Variants in COX15 observed in about 807,000 individuals in gnomAD.
COX15 encodes the protein cytochrome c oxidase assembly factor COX15.
A neutral mutation model predicts 51.9 loss-of-function variants in COX15; 51 were observed. That is an observed-to-expected ratio of 0.98 (90% CI 0.78 to 1.24). COX15 has a LOEUF of 1.24. Among genes scored for constraint, COX15 ranks in the 50% most tolerant of loss-of-function variants. The pLI is 0.00. For missense variants in COX15, 420 were observed against 501.1 expected (o/e 0.84, Z 1.55); for synonymous variants, 188 against 190.5 (o/e 0.99, Z 0.11).
At position 99,710,984 on chromosome 10, in the gene COX15, T is replaced by G. The variant is rs1185802510; in HGVS notation, c.*3603A>C. The G allele has an allele frequency of 2.0e-6, 2 of 985,342 alleles. No homozygotes were observed. The allele number at this position is 985,342 out of a possible 1,614,324, so 61.0% of individuals were successfully genotyped here. On this transcript the variant is annotated 3_prime_UTR_variant, in exon 9 of 9. Transcript: ENST00000016171. The stretch of plus-strand genomic sequence containing the variant: ...TTTAATCCTATAGGTATGTGATGAC[T>G]TGTTTTTTTGGAAAAAGGTATTTGG...
chr10:99,712,805 T>C lies in COX15; in HGVS notation c.*1782A>G. The C allele has an allele frequency of 3.0e-6, 1 of 328,598 alleles. No individual in the cohort carries two copies. Among genetic ancestry groups the C allele is most frequent in the Non-Finnish European group, 4.4e-6 (1 of 227,360 alleles). The allele number at this position is 328,598 out of a possible 1,614,324, so 20.4% of individuals were successfully genotyped here. On this transcript the variant is annotated 3_prime_UTR_variant, in exon 9 of 9. Coordinates refer to ENST00000016171, the MANE Select transcript of COX15 (RefSeq NM_078470.6). ...TTTGGTCTACCCTACTCTTGCCTTC[T>C]ACAGAACTAAAACTAACTTCCTGCA... is the stretch of plus-strand genomic sequence containing the variant.
intron 4 of COX15, among the ~76,000 whole-genome samples, 189 bp downstream of exon 4, chr10:99,726,779 G>A (rs1209653272): frequency 2.0e-5 from 3 of 151,188 alleles, no homozygotes; most frequent in Non-Finnish European, 4.4e-5. Flanking sequence ...CCCAGCTACC[G>A]AGAGGCTGAG....
At chr10:99,720,936 C>G (rs1045954757) in intron 6 of COX15, 51 bp downstream of exon 6, 1 of 1,458,728 alleles carries the variant, frequency 6.9e-7, no homozygotes, top group Non-Finnish European at 9.6e-7. Flanking sequence ...GCAAGAGGTC[C>G]CAGCTTAGAG....
At chr10:99,706,764 A>T (rs1032200105), downstream of COX15, among the ~76,000 whole-genome samples, 6 of 152,186 alleles carry the variant, frequency 3.9e-5, no homozygotes, top group Admixed American at 3.9e-4. Flanking sequence ...AATGCTGCTT[A>T]AAAATAATGT....
chr10:99,712,128 C>G lies in COX15; in HGVS notation c.*2459G>C, dbSNP rs886046605. On this transcript the variant is annotated 3_prime_UTR_variant, in exon 9 of 9. Transcript: ENST00000016171. ...ACATAAGGGATCCGCCCCCATGACC[C>G]AAATACCTCCTACTAGGCCCACCTC... is the stretch of plus-strand genomic sequence containing the variant. 1.4e-6 allele frequency: 1 copy of G among 696,184 alleles called. No homozygotes were observed. The highest frequency in any genetic ancestry group is 1.9e-5 in the African/African-American group (1 of 51,562). The allele number at this position is 696,184 out of a possible 1,614,324, so 43.1% of individuals were successfully genotyped here. A position where few individuals can be genotyped will look rare whatever the true frequency, so the allele number is the denominator to read the frequency against.
At position 99,711,893 on chromosome 10, in the gene COX15, G is replaced by A. The variant is rs1052834649; in HGVS notation, c.*2694C>T. On this transcript the variant is annotated 3_prime_UTR_variant, in exon 9 of 9. Coordinates refer to ENST00000016171, the MANE Select transcript of COX15 (RefSeq NM_078470.6). Reference sequence around the variant, plus strand: ...TTGGCTCACTGTTCTGCATAGAACTGTATAGGAAGCATGGCGCTGGCATCT... The same window carrying A: ...TTGGCTCACTGTTCTGCATAGAACTATATAGGAAGCATGGCGCTGGCATCT... 2 of 913,542 alleles carry A rather than the reference G, an allele frequency of 2.2e-6. No homozygotes were observed. Among genetic ancestry groups the A allele is most frequent in the African/African-American group, 3.6e-5 (2 of 55,722 alleles). The allele number at this position is 913,542 out of a possible 1,614,324, so 56.6% of individuals were successfully genotyped here.
In COX15 at chr10:99,732,040, A is replaced by G. The variant is rs997884957; in HGVS notation, c.10T>C (p.Leu4=). MQR[L]LFPPLRALKG... ...AAGGCCCTCAACGGCGGAAAGAGCAATCGCTGCATACTGATGACAGGGAAC... is the reference window on the plus strand; with the variant it reads ...AAGGCCCTCAACGGCGGAAAGAGCAGTCGCTGCATACTGATGACAGGGAAC... The change falls in exon 1 of 9, where the codon TTG becomes CTG. Residue 4 remains leucine (L), a synonymous_variant. Transcript: ENST00000016171. 3 of 1,612,834 alleles carry G rather than the reference A, an allele frequency of 1.9e-6. No homozygotes were observed. The highest frequency in any genetic ancestry group is 2.2e-5 in the South Asian group (2 of 90,790).
the COX15 span, among the ~76,000 whole-genome samples, chr10:99,699,110 A>G: frequency 2.0e-5 from 3 of 152,368 alleles, no homozygotes; most frequent in South Asian, 2.1e-4. Context: ...TTACCCAGGC[A>G]TAAAATTTTT....
intron 6 of COX15, among the ~76,000 whole-genome samples, chr10:99,719,872 T>C (rs963611635): frequency 1.3e-5 from 2 of 152,170 alleles, no homozygotes; most frequent in Non-Finnish European, 2.9e-5. Flanking sequence ...GAGTGGCTCA[T>C]TGGTTTGAAT....
chr10:99,724,489 C>A (rs2036882744), intron 4 of COX15, among the ~76,000 whole-genome samples: 1 of 152,074 alleles, frequency 6.6e-6, no homozygotes, highest in Non-Finnish European at 1.5e-5. Context: ...CTGATCTGTT[C>A]AACTTTACTG....
the COX15 span, chr10:99,704,467 A>C: frequency 6.2e-7 from 1 of 1,614,082 alleles, no homozygotes; most frequent in African/African-American, 1.3e-5. Context: ...TTCGGCAGGA[A>C]GGTGTCCGAC....
intron 2 of COX15, 72 bp downstream of exon 2, chr10:99,729,481 C>A (rs1003983182): frequency 3.8e-5 from 47 of 1,226,218 alleles, no homozygotes; most frequent in Non-Finnish European, 3.8e-5. Context: ...AAAAAAAAAT[C>A]CTTTCTCCTC....
Position 99,712,272 on chromosome 10 carries a change from AAG to A in COX15, c.*2313_*2314del. 1 of 985,406 alleles carries A rather than the reference AAG, an allele frequency of 1.0e-6. No homozygotes were observed. Among genetic ancestry groups the A allele is most frequent in the Non-Finnish European group, 1.2e-6 (1 of 829,926 alleles). The allele number at this position is 985,406 out of a possible 1,614,324, so 61.0% of individuals were successfully genotyped here. A position where few individuals can be genotyped will look rare whatever the true frequency, so the allele number is the denominator to read the frequency against. On this transcript the variant is annotated 3_prime_UTR_variant, in exon 9 of 9. Transcript: ENST00000016171. ...GAAACTTACAGAGTACTGGAGTTGA[AAG>A]AGAACTGAGATCACCTAGTTCAGAG...
In COX15 at chr10:99,713,376, CTATTA is replaced by C; in HGVS notation, c.*1206_*1210del. 6.2e-7 allele frequency: 1 copy of C among 1,613,716 alleles called. No individual in the cohort carries two copies. On this transcript the variant is annotated 3_prime_UTR_variant, in exon 9 of 9. Transcript: ENST00000016171. ...GACTGTTTTCAGTTGCCACTGTCAT[CTATTA>C]TATTAGCAATATTGGGTTGCTCCAT...
intron 1 of COX15, among the ~76,000 whole-genome samples, chr10:99,730,318 T>A (rs1005005892): frequency 6.6e-6 from 1 of 152,176 alleles, no homozygotes; most frequent in Non-Finnish European, 1.5e-5. Context: ...GGTGTAGTGA[T>A]TCACACCTGT....
At chr10:99,699,428 G>A in the COX15 span, among the ~76,000 whole-genome samples, 7 of 152,176 alleles carry the variant, frequency 4.6e-5, no homozygotes, top group African/African-American at 1.7e-4. Context: ...CATCATATAA[G>A]TTTAAATCAT....
At chr10:99,706,972 C>G (rs1415949671), downstream of COX15, among the ~76,000 whole-genome samples, 1 of 152,064 alleles carries the variant, frequency 6.6e-6, no homozygotes, top group African/African-American at 2.4e-5. Context: ...TTTGAAAGCT[C>G]TTATTAGTAT....
At chr10:99,695,885 T>A in the COX15 span, 5 of 1,436,872 alleles carry the variant, frequency 3.5e-6, no homozygotes, top group Non-Finnish European at 4.7e-6. Flanking sequence ...CCTCGTGTAT[T>A]AGCAATGTCA....
rs1476721317 is a variant in COX15 at position 99,732,034 on chromosome 10, A to G, written c.16T>C (p.Phe6Leu). 6.2e-7 allele frequency: 1 copy of G among 1,613,142 alleles called. No homozygotes were observed. The highest frequency in any genetic ancestry group is 1.1e-5 in the South Asian group (1 of 90,836). The change falls in exon 1 of 9, where the codon TTT (phenylalanine) becomes CTT (leucine). Residue 6 changes from phenylalanine to leucine, a missense_variant. Coordinates refer to ENST00000016171, the MANE Select transcript of COX15 (RefSeq NM_078470.6). The part of the protein sequence containing the change: MQRLL[F>L]PPLRALKGRQ... ...CCCTTCAAGGCCCTCAACGGCGGAA[A>G]GAGCAATCGCTGCATACTGATGACA...
Sources: gnomAD v4.1 joint callset for allele counts (sites outside exome capture counted in the v4.1 genomes callset) on GRCh38, gnomAD v4.1.1 for gene constraint, MANE v1.5 for transcripts, NCBI Gene and HGNC (gene_info 2026-07-23, HGNC 2026-07-21) for gene names.